Variants in CELF2 observed in about 807,000 individuals in gnomAD.
CELF2 encodes CUGBP Elav-like family member 2.
Under a neutral mutation model 62.6 loss-of-function variants are expected in CELF2, and 8 were observed. That is an observed-to-expected ratio of 0.13 (90% CI 0.07 to 0.23). The LOEUF is 0.23. Among genes scored for constraint, CELF2 ranks in the 10% least tolerant of loss-of-function variants. The probability of loss-of-function intolerance (pLI) is 1.00; values close to 1 mark genes in which losing one functional copy is unlikely to be tolerated. For missense variants in CELF2, 333 were observed against 671.0 expected, an observed-to-expected ratio of 0.50 and a Z score of 5.56; for synonymous variants, 258 against 250.0, an observed-to-expected ratio of 1.03 and a Z score of -0.30.
At chr10:10,611,595 G>A in the CELF2 span, among the ~76,000 whole-genome samples, 1 of 152,102 alleles carries the variant, frequency 6.6e-6, no homozygotes, top group Admixed American at 6.5e-5. Context: ...AATCCAACAT[G>A]ATTGAAAACA....
chr10:10,575,052 T>C, the CELF2 span, among the ~76,000 whole-genome samples: 2 of 152,116 alleles, frequency 1.3e-5, no homozygotes, highest in Non-Finnish European at 2.9e-5. Flanking sequence ...AATGGCTTTT[T>C]ATTTAGTTGT....
At chr10:10,462,950 G>T in the CELF2 span, among the ~76,000 whole-genome samples, 1 of 152,020 alleles carries the variant, frequency 6.6e-6, no homozygotes, top group African/African-American at 2.4e-5. Context: ...CTTCCTTCCA[G>T]GGATGTTACG....
chr10:11,240,576 C>T (rs116788219), intron 3 of CELF2, among the ~76,000 whole-genome samples: 5 of 152,104 alleles, frequency 3.3e-5, no homozygotes, highest in African/African-American at 9.6e-5. Context: ...GCAAATTAGC[C>T]GGGGCTACAC....
In CELF2 at chr10:11,314,317, C is replaced by T. The variant is rs1477150043; in HGVS notation, c.1096+59C>T. The T allele has an allele frequency of 4.3e-6, 7 of 1,612,458 alleles. No individual in the cohort carries two copies. The highest frequency in any genetic ancestry group is 5.9e-6 in the Non-Finnish European group (7 of 1,178,650). ...GGACAGCCTTCCCCCAAATTCTCCA[C>T]AGAAAGTGGTCAGCCAGAAATGACC... On this transcript the variant is annotated intron_variant, in intron 10 of 12. Transcript: ENST00000633077. This position sits in a 1 kb window ranked among gnomAD's most constrained non-coding sequence, Gnocchi z 5.3.
chr10:11,326,931 A>G (rs1173053886), intron 12 of CELF2, among the ~76,000 whole-genome samples: 1 of 152,232 alleles, frequency 6.6e-6, no homozygotes, highest in East Asian at 1.9e-4. Flanking sequence ...GGTGGTTCTC[A>G]AACTTAACTC....
intron 8 of CELF2, among the ~76,000 whole-genome samples, chr10:11,275,852 G>A (rs2085868318): frequency 6.6e-6 from 1 of 152,162 alleles, no homozygotes; most frequent in African/African-American, 2.4e-5. Flanking sequence ...CGGGGCCAGG[G>A]AAGGCAGCGA....
the CELF2 span, among the ~76,000 whole-genome samples, chr10:10,584,025 G>A: frequency 0.032 from 4,813 of 152,182 alleles, 158 homozygotes; most frequent in East Asian, 0.096. Flanking sequence ...AGGGGGCTAA[G>A]GCTGTCTACT....
the CELF2 span, among the ~76,000 whole-genome samples, chr10:10,683,752 A>C: frequency 6.6e-6 from 1 of 152,208 alleles, no homozygotes; most frequent in African/African-American, 2.4e-5. Flanking sequence ...TGAAAGAAAA[A>C]AACTTACGAT....
At chr10:10,641,556 T>G in the CELF2 span, among the ~76,000 whole-genome samples, 1 of 152,196 alleles carries the variant, frequency 6.6e-6, no homozygotes, top group African/African-American at 2.4e-5. Flanking sequence ...TTCTCCTGTC[T>G]CAGCCTCCCA....
At chr10:10,757,583 A>G in the CELF2 span, among the ~76,000 whole-genome samples, 1 of 152,348 alleles carries the variant, frequency 6.6e-6, no homozygotes, top group Middle Eastern at 3.4e-3. Context: ...ACTAAAAGAG[A>G]AACTATTAAG....
chr10:11,329,389 A>G lies in CELF2; in HGVS notation c.*336A>G, dbSNP rs1157275445. On this transcript the variant is annotated 3_prime_UTR_variant, in exon 13 of 13. Coordinates refer to ENST00000633077, the MANE Select transcript of CELF2 (RefSeq NM_001326342.2). The surrounding 1 kb of genome is among the most constrained non-coding windows in gnomAD (Gnocchi z 5.5). ...TAAAGAGAAGCATATACACAAATAA[A>G]TGGCATCTTGAGAATTTAAAAGGCA... 2 of 158,664 alleles carry G rather than the reference A, an allele frequency of 1.3e-5. No homozygotes were observed. The highest frequency in any genetic ancestry group is 1.8e-4 in the East Asian group (1 of 5,636). 9.8% of individuals were successfully genotyped at this position (158,664 alleles called of 1,614,324 possible). A position where few individuals can be genotyped will look rare whatever the true frequency, so the allele number is the denominator to read the frequency against.
chr10:10,949,919 C>T (rs967979145), intron 2 of CELF2, among the ~76,000 whole-genome samples: 2 of 151,690 alleles, frequency 1.3e-5, no homozygotes, highest in Non-Finnish European at 2.9e-5. Flanking sequence ...ATTTTGTCTA[C>T]CTGAGACACT....
rs565579677 is a variant in CELF2, at chr10:11,136,545, A to C, written c.75-28941A>C. ...CTTTAACCTGGGAGGCGGAGGTTGC[A>C]GTGAGCTGAGATTGCTCCACTGCAT... On this transcript the variant is annotated intron_variant, in intron 1 of 12. Coordinates refer to ENST00000633077, the MANE Select transcript of CELF2 (RefSeq NM_001326342.2). Among the ~76,000 whole-genome samples, 130 of 152,308 alleles carry C rather than the reference A, an allele frequency of 8.5e-4. 2 individuals are homozygous for C. Among genetic ancestry groups the C allele is most frequent in the African/African-American group, 3.1e-3 (128 of 41,578 alleles).
chr10:11,211,809 AGAGAGTGTGTGTGTGT>A lies in CELF2; in HGVS notation c.272-5614_272-5599del, dbSNP rs1291606650. On this transcript the variant is annotated intron_variant, in intron 2 of 12. Coordinates refer to ENST00000633077, the MANE Select transcript of CELF2 (RefSeq NM_001326342.2). This position sits in a 1 kb window ranked among gnomAD's most constrained non-coding sequence, Gnocchi z 4.8. ...ATGTGTGTGAGAGAGAGAGAGAGAG[AGAGAGTGTGTGTGTGT>A]GTGTGTGTGTGTGTGTGTGTGTGTG... is the stretch of plus-strand genomic sequence containing the variant. 3.4e-4 allele frequency among the ~76,000 whole-genome samples: 44 copies of A among 129,958 alleles called. 1 individual carries two copies. The highest frequency in any genetic ancestry group is 9.8e-4 in the South Asian group (4 of 4,068). The allele number at this position is 129,958 out of a possible 152,430, so 85.3% of individuals were successfully genotyped here. A position where few individuals can be genotyped will look rare whatever the true frequency, so the allele number is the denominator to read the frequency against.
the CELF2 span, among the ~76,000 whole-genome samples, chr10:10,762,468 G>A: frequency 4.6e-5 from 7 of 152,162 alleles, no homozygotes; most frequent in Admixed American, 4.6e-4. Context: ...GTGCAAGAGG[G>A]AAAAGAAAGA....
chr10:10,893,464 G>C (rs2062299157), intron 1 of CELF2, among the ~76,000 whole-genome samples: 1 of 152,202 alleles, frequency 6.6e-6, no homozygotes, highest in African/African-American at 2.4e-5. Flanking sequence ...CTGTGGACTT[G>C]TGTGGGGCTG....
At chr10:10,486,035 T>C in the CELF2 span, among the ~76,000 whole-genome samples, 2 of 152,150 alleles carry the variant, frequency 1.3e-5, no homozygotes, top group African/African-American at 4.8e-5. Flanking sequence ...TGGAGTAGAA[T>C]TAGAATCATG....
At chr10:10,588,241 A>G in the CELF2 span, among the ~76,000 whole-genome samples, 1 of 152,142 alleles carries the variant, frequency 6.6e-6, no homozygotes, top group Non-Finnish European at 1.5e-5. Context: ...AGGGGATTGG[A>G]ATTTGGAACT....
chr10:11,083,203 G>C (rs750090952), intron 1 of CELF2, among the ~76,000 whole-genome samples: 11 of 152,022 alleles, frequency 7.2e-5, no homozygotes, highest in Non-Finnish European at 1.3e-4. Flanking sequence ...ACCTCTTTTG[G>C]GAAAATAAAA....
Sources: gnomAD v4.1 joint callset for allele counts (sites outside exome capture counted in the v4.1 genomes callset) on GRCh38, gnomAD v4.1.1 for gene constraint, Gnocchi (gnomAD v3.1) non-coding constraint, MANE v1.5 for transcripts, NCBI Gene and HGNC (gene_info 2026-07-23, HGNC 2026-07-21) for gene names.